Variants in CDC14A observed in about 807,000 individuals in gnomAD.
The protein encoded by CDC14A is cell division cycle 14A.
CDC14A carries 53 observed loss-of-function variants against 74.4 expected under a neutral mutation model. The observed-to-expected ratio is 0.71, with a 90% CI of 0.57 to 0.89. CDC14A has a LOEUF of 0.89. Ranked by LOEUF, CDC14A falls within the 40% of genes least tolerant of loss-of-function variation. The probability of loss-of-function intolerance (pLI) is 0.00; values close to 1 mark genes in which losing one functional copy is unlikely to be tolerated. For synonymous variants in CDC14A, 247 were observed against 258.4 expected (o/e 0.96, Z 0.43); for missense variants, 646 against 713.7 (o/e 0.91, Z 1.08).
At chr1:100,461,834 T>A (rs1667344529) in intron 8 of CDC14A, among the ~76,000 whole-genome samples, 2 of 152,218 alleles carry the variant, frequency 1.3e-5, no homozygotes, top group Non-Finnish European at 2.9e-5. Context: ...TGATAAAAAT[T>A]ATATATTTAT....
chr1:100,358,821 A>C (rs1392768823), intron 2 of CDC14A, among the ~76,000 whole-genome samples: 1 of 152,244 alleles, frequency 6.6e-6, no homozygotes, highest in Admixed American at 6.5e-5. Flanking sequence ...TGAACATAGA[A>C]TATTTATGAG....
chr1:100,395,861 C>G (rs893643426), intron 4 of CDC14A, among the ~76,000 whole-genome samples: 1 of 152,150 alleles, frequency 6.6e-6, no homozygotes, highest in Non-Finnish European at 1.5e-5. Context: ...TACCAAAGAG[C>G]CTTGATATTT....
chr1:100,413,044 C>T (rs561052024), intron 4 of CDC14A, among the ~76,000 whole-genome samples: 9 of 150,670 alleles, frequency 6.0e-5, no homozygotes, highest in South Asian at 4.2e-4. Flanking sequence ...GTGACAAGAG[C>T]GAAACTGTCA....
At chr1:100,417,559 G>A (rs1661695561) in intron 4 of CDC14A, among the ~76,000 whole-genome samples, 1 of 152,192 alleles carries the variant, frequency 6.6e-6, no homozygotes, top group Non-Finnish European at 1.5e-5. Flanking sequence ...GAGGGAGTAT[G>A]CCTTGACTAA....
intron 4 of CDC14A, among the ~76,000 whole-genome samples, chr1:100,410,026 A>C (rs1346729897): frequency 1.3e-5 from 2 of 152,170 alleles, no homozygotes; most frequent in Non-Finnish European, 2.9e-5. Context: ...CCTGGGAAAC[A>C]TAGTGAAACC....
chr1:100,453,072 C>A (rs902031910), intron 7 of CDC14A, among the ~76,000 whole-genome samples: 2 of 152,012 alleles, frequency 1.3e-5, no homozygotes, highest in Non-Finnish European at 2.9e-5. Context: ...AGATTTAGGT[C>A]TAAGACCTAA....
chr1:100,491,572 A>ATTTTTTTTTTTTTTTTTT (rs59429516), intron 11 of CDC14A, among the ~76,000 whole-genome samples: 1 of 25,100 alleles, frequency 4.0e-5, no homozygotes, highest in African/African-American at 1.6e-4. Flanking sequence ...ATATATATAT[A>ATTTTTTTTTTTTTTTTTT]TTTTTTTTTT....
At chr1:100,402,658 C>A (rs960101037) in intron 4 of CDC14A, among the ~76,000 whole-genome samples, 1 of 152,102 alleles carries the variant, frequency 6.6e-6, no homozygotes, top group Non-Finnish European at 1.5e-5. Context: ...AGAATCTGAA[C>A]CCAGAGAGGT....
At chr1:100,455,168 C>T (rs1480839150) in intron 7 of CDC14A, among the ~76,000 whole-genome samples, 7 of 152,190 alleles carry the variant, frequency 4.6e-5, no homozygotes, top group East Asian at 3.9e-4. Flanking sequence ...ATACCTCTGC[C>T]GTAAATAAAA....
intron 7 of CDC14A, among the ~76,000 whole-genome samples, chr1:100,451,998 G>A (rs1666192097): frequency 6.6e-6 from 1 of 152,146 alleles, no homozygotes; most frequent in South Asian, 2.1e-4. Context: ...ATGTCTAAAT[G>A]AATGTTGAAT....
At chr1:100,420,061 C>CATATATATATAT (rs1377818349) in intron 4 of CDC14A, among the ~76,000 whole-genome samples, 689 of 61,618 alleles carry the variant, frequency 0.011, 3 homozygotes, top group Non-Finnish European at 0.022. Flanking sequence ...CACACACACA[C>CATATATATATAT]ACATATATAT....
chr1:100,499,008 T>A lies in CDC14A; in HGVS notation c.1501T>A (p.Ser501Thr), dbSNP rs148162452. Residue 501 changes from serine (S) to threonine (T), a missense_variant, in exon 15 of 16, where the codon TCC (serine) becomes ACC (threonine). Transcript: ENST00000336454. ...AGATGATCCAGAGAACAAAAAGACC[T>A]CCTCATCCTCTAAGGCAGGCTTCAC... is the stretch of plus-strand genomic sequence containing the variant. ...ATDDPENKKT[S>T]SSSKAGFTAS... 2 of 1,613,952 alleles carry A rather than the reference T, an allele frequency of 1.2e-6. No homozygotes were observed. Among genetic ancestry groups the A allele is most frequent in the Non-Finnish European group, 1.7e-6 (2 of 1,180,026 alleles).
intron 4 of CDC14A, among the ~76,000 whole-genome samples, chr1:100,420,057 C>CCATATAT (rs1553180503): frequency 2.9e-4 from 9 of 30,562 alleles, no homozygotes; most frequent in African/African-American, 1.2e-3. Flanking sequence ...CACACACACA[C>CCATATAT]ACACACATAT....
chr1:100,373,442 G>A (rs1443351541), intron 2 of CDC14A, among the ~76,000 whole-genome samples: 1 of 152,152 alleles, frequency 6.6e-6, no homozygotes, highest in Non-Finnish European at 1.5e-5. Context: ...TTAAAATATT[G>A]TGAGAGTTAC....
intron 15 of CDC14A, among the ~76,000 whole-genome samples, chr1:100,506,090 GC>G (rs756971573): frequency 2.0e-5 from 3 of 152,096 alleles, no homozygotes; most frequent in South Asian, 4.2e-4. Flanking sequence ...CCTCCCACTA[GC>G]CCCACCTCCA....
In CDC14A at chr1:100,476,530, CGAG is replaced by C. The variant is rs1002793735; in HGVS notation, c.978-7759_978-7757del. On this transcript the variant is annotated intron_variant, in intron 10 of 15. Transcript: ENST00000336454. The stretch of plus-strand genomic sequence containing the variant: ...GGCTATATAAGGCAAAAGGAAAACT[CGAG>C]GAACTCACCACCATTTCGTTACTTA... 1.8e-4 allele frequency among the ~76,000 whole-genome samples: 27 copies of C among 152,166 alleles called. 1 individual carries two copies. Among genetic ancestry groups the C allele is most frequent in the African/African-American group, 6.0e-4 (25 of 41,534 alleles).
At chr1:100,375,720 C>T (rs1655138518) in intron 2 of CDC14A, among the ~76,000 whole-genome samples, 1 of 152,182 alleles carries the variant, frequency 6.6e-6, no homozygotes, top group Non-Finnish European at 1.5e-5. Context: ...CTAGTTCAAC[C>T]ATTGTGGAAG....
intron 2 of CDC14A, among the ~76,000 whole-genome samples, chr1:100,375,976 T>G (rs1360149235): frequency 6.6e-6 from 1 of 152,112 alleles, no homozygotes; most frequent in African/African-American, 2.4e-5. Context: ...CCATAAAAAA[T>G]GATGAGTTCA....
At chr1:100,425,054 G>C (rs908415803) in intron 5 of CDC14A, among the ~76,000 whole-genome samples, 1 of 152,238 alleles carries the variant, frequency 6.6e-6, no homozygotes. Flanking sequence ...TGTAGTCCCA[G>C]CTACTTGAGA....
Sources: gnomAD v4.1 joint callset for allele counts (sites outside exome capture counted in the v4.1 genomes callset) on GRCh38, gnomAD v4.1.1 for gene constraint, MANE v1.5 for transcripts, NCBI Gene and HGNC (gene_info 2026-07-23, HGNC 2026-07-21) for gene names.